The following RANBP10 variants were observed in gnomAD, a reference collection of about 807,000 sequenced individuals.
The protein encoded by RANBP10 is RAN binding protein 10, also known as ran-binding protein 10.
RANBP10 carries 24 observed loss-of-function variants against 72.8 expected under a neutral mutation model. The ratio of observed to expected loss-of-function variants is 0.33; its 90% CI spans 0.24 to 0.46. The LOEUF (loss-of-function observed/expected upper bound fraction) is 0.46. RANBP10 is among the 20% of genes least tolerant of loss of function. The pLI is 1.00. For missense variants in RANBP10, 679 were observed against 817.5 expected, an observed-to-expected ratio of 0.83 and a Z score of 2.07; for synonymous variants, 310 against 322.3, an observed-to-expected ratio of 0.96 and a Z score of 0.41.
In RANBP10 at chr16:67,729,340, G is replaced by A; in HGVS notation, c.1292C>T (p.Ser431Phe). The change falls in exon 10 of 14, where the codon TCC becomes TTC. Residue 431 changes from serine to phenylalanine, a missense_variant. Physicochemically the swap from Ser to Phe is radical, Grantham distance 155 (BLOSUM62 -2). Transcript: ENST00000317506. The surrounding 1 kb of genome is among the most constrained non-coding windows in gnomAD (Gnocchi z 7.1). ...SSPSSVNYSE[S>F]NSTDSTKSQH... ...GGACTTGGTGGAGTCTGTTGAGTTG[G>A]ACTCGGAGTAATTGACGGAGGATGG... 1 of 1,612,402 alleles carries A rather than the reference G, an allele frequency of 6.2e-7. No individual in the cohort carries two copies. Among genetic ancestry groups the A allele is most frequent in the Non-Finnish European group, 8.5e-7 (1 of 1,179,120 alleles).
intron 3 of RANBP10, among the ~76,000 whole-genome samples, chr16:67,755,159 C>G (rs1021357351): frequency 1.3e-5 from 2 of 152,144 alleles, no homozygotes; most frequent in Non-Finnish European, 1.5e-5. Context: ...GGGGGTCCAG[C>G]AATTATGCCT....
intron 10 of RANBP10, among the ~76,000 whole-genome samples, chr16:67,728,879 G>A (rs1055537034): frequency 6.6e-6 from 1 of 152,238 alleles, no homozygotes. Flanking sequence ...CAGCCTTGAG[G>A]TGTACCTGGG....
intron 6 of RANBP10, among the ~76,000 whole-genome samples, chr16:67,732,785 T>C (rs908089620): frequency 1.3e-5 from 2 of 151,930 alleles, no homozygotes; most frequent in Admixed American, 6.6e-5. Context: ...TGGTGGCTCA[T>C]GCCTGTAATC....
intron 3 of RANBP10, among the ~76,000 whole-genome samples, chr16:67,751,860 G>A (rs772793603): frequency 9.3e-5 from 14 of 151,186 alleles, no homozygotes; most frequent in Admixed American, 1.3e-4. Context: ...AGATTGCAGT[G>A]AGCTGAAATC....
chr16:67,805,342 C>T lies in RANBP10; in HGVS notation c.347+86G>A, dbSNP rs1018610855. On this transcript the variant is annotated intron_variant, in intron 2 of 13. Coordinates refer to ENST00000317506, the MANE Select transcript of RANBP10 (RefSeq NM_020850.3). ...CATGCGGCTCCCCAGCTCACATCAG[C>T]AACAAGTGCCAGCCAAAGGACCTGA... The T allele has an allele frequency of 7.4e-6, 9 of 1,221,314 alleles. No homozygotes were observed. The African/African-American group carries it at 1.4e-4, about 18-fold the overall frequency. 75.7% of individuals were successfully genotyped at this position (1,221,314 alleles called of 1,614,324 possible).
At chr16:67,763,949 G>A (rs572763069) in intron 3 of RANBP10, among the ~76,000 whole-genome samples, 9 of 152,198 alleles carry the variant, frequency 5.9e-5, no homozygotes, top group South Asian at 2.1e-4. Context: ...CTCCTGCCTC[G>A]GCCGCCCAAA....
At chr16:67,802,649 T>A (rs55661503) in intron 2 of RANBP10, among the ~76,000 whole-genome samples, 22,746 of 152,048 alleles carry the variant, frequency 0.15, 1,908 homozygotes, top group African/African-American at 0.21. Flanking sequence ...ATAAATAAAT[T>A]AATTAATTAA....
chr16:67,799,989 T>A (rs1298722063), intron 2 of RANBP10, among the ~76,000 whole-genome samples: 1 of 151,998 alleles, frequency 6.6e-6, no homozygotes, highest in African/African-American at 2.4e-5. Context: ...GGCATGGTGG[T>A]GCACGCCTGT....
At position 67,731,466 on chromosome 16, in the gene RANBP10, C is replaced by G. The variant is rs757194992; in HGVS notation, c.889+6G>C. 3.7e-6 allele frequency: 6 copies of G among 1,603,260 alleles called. No individual in the cohort carries two copies. In the African/African-American group the frequency reaches 8.0e-5, roughly 21 times the overall value. On this transcript the variant is annotated splice_donor_region_variant and intron_variant, in intron 7 of 13. Coordinates refer to ENST00000317506, the MANE Select transcript of RANBP10 (RefSeq NM_020850.3). ...AAGGGAAAGGGGAAAGTAGAATAAA[C>G]CTTACTTTGTCTGTTCTTTATGGAC...
At chr16:67,765,493 C>T (rs2054484418) in intron 3 of RANBP10, among the ~76,000 whole-genome samples, 1 of 151,544 alleles carries the variant, frequency 6.6e-6, no homozygotes. Context: ...TGCCATTGCA[C>T]TCCAGCTTGG....
intron 5 of RANBP10, among the ~76,000 whole-genome samples, chr16:67,737,141 T>C (rs901984005): frequency 4.8e-5 from 3 of 63,052 alleles, no homozygotes; most frequent in African/African-American, 1.2e-4. Flanking sequence ...CTCCATCCTT[T>C]TCTGTTTTTT....
intron 3 of RANBP10, among the ~76,000 whole-genome samples, chr16:67,755,058 C>A (rs1262277411): frequency 1.3e-5 from 2 of 152,094 alleles, no homozygotes; most frequent in Non-Finnish European, 2.9e-5. Flanking sequence ...CAGGGGAGCA[C>A]CAAGCAGGTA....
intron 2 of RANBP10, among the ~76,000 whole-genome samples, chr16:67,794,424 G>A (rs1017669440): frequency 2.6e-5 from 4 of 151,024 alleles, no homozygotes; most frequent in African/African-American, 4.9e-5. Context: ...GTGACACAGC[G>A]AGACTCCGTC....
chr16:67,754,601 G>A (rs1419487544), intron 3 of RANBP10, among the ~76,000 whole-genome samples: 2 of 152,196 alleles, frequency 1.3e-5, no homozygotes, highest in African/African-American at 2.4e-5. Context: ...GCCGTCTTGA[G>A]AAACTGGAAA....
At chr16:67,800,482 C>T (rs1478067432) in intron 2 of RANBP10, among the ~76,000 whole-genome samples, 1 of 152,196 alleles carries the variant, frequency 6.6e-6, no homozygotes, top group African/African-American at 2.4e-5. Flanking sequence ...TGTGTCATCA[C>T]TAAGAGCCAG....
intron 3 of RANBP10, 40 bp downstream of exon 3, chr16:67,771,994 C>G: frequency 6.3e-7 from 1 of 1,586,342 alleles, no homozygotes; most frequent in South Asian, 1.2e-5. Context: ...CCAATTGGAT[C>G]AGGAGAGCAG....
chr16:67,805,438 C>T lies in RANBP10; in HGVS notation c.337G>A (p.Gly113Arg). The change falls in exon 2 of 14, where the codon GGA becomes AGA. Residue 113 changes from glycine to arginine, a missense_variant. Physicochemically the swap from Gly to Arg is moderately radical, Grantham distance 125. Transcript: ENST00000317506. ...TCATGAAGGGCTTACCCATCTCTTC[C>T]TTTGCTGACAATCTTCACTTCAAAG... ...YYFEVKIVSKGRDGYMGIGLS... is the reference protein window; with the variant it reads ...YYFEVKIVSKRRDGYMGIGLS... The T allele has an allele frequency of 6.2e-7, 1 of 1,614,004 alleles. No individual in the cohort carries two copies. Among genetic ancestry groups the T allele is most frequent in the South Asian group, 1.1e-5 (1 of 91,066 alleles).
intron 3 of RANBP10, among the ~76,000 whole-genome samples, chr16:67,767,400 T>C (rs964433407): frequency 1.4e-5 from 2 of 138,600 alleles, no homozygotes; most frequent in African/African-American, 2.8e-5. Context: ...AGGGCTGCAG[T>C]GAGCCGTGAC....
At chr16:67,732,050 G>A (rs1204628342) in intron 6 of RANBP10, among the ~76,000 whole-genome samples, 1 of 152,198 alleles carries the variant, frequency 6.6e-6, no homozygotes, top group African/African-American at 2.4e-5. Context: ...TACAGACACA[G>A]GAGCCCCTCT....
Sources: gnomAD v4.1 joint callset for allele counts (sites outside exome capture counted in the v4.1 genomes callset) on GRCh38, gnomAD v4.1.1 for gene constraint, Gnocchi (gnomAD v3.1) non-coding constraint, MANE v1.5 for transcripts, NCBI Gene and HGNC (gene_info 2026-07-23, HGNC 2026-07-21) for gene names.